ARPP21: variants seen among roughly 807,000 people sequenced by gnomAD.
ARPP21 encodes cAMP regulated phosphoprotein 21, also known as cAMP-regulated phosphoprotein 21.
Under a neutral mutation model 113.2 loss-of-function variants are expected in ARPP21, and 69 were observed. The ratio of observed to expected loss-of-function variants is 0.61; its 90% CI spans 0.50 to 0.74. ARPP21 has a LOEUF of 0.74. Ranked by LOEUF, ARPP21 falls within the 30% of genes least tolerant of loss-of-function variation. ARPP21 has a pLI of 0.00. For synonymous variants in ARPP21, 368 were observed against 375.5 expected (o/e 0.98, Z 0.23); for missense variants, 1,070 against 1,037.4 (o/e 1.03, Z -0.43).
chr3:35,754,654 A>C (rs1206546490), intron 19 of ARPP21, among the ~76,000 whole-genome samples: 1 of 152,024 alleles, frequency 6.6e-6, no homozygotes. Flanking sequence ...TGCTATTTTT[A>C]GACCTAAAAA....
chr3:35,644,896 A>AC (rs34034335), intron 1 of ARPP21, among the ~76,000 whole-genome samples: 2 of 151,776 alleles, frequency 1.3e-5, no homozygotes, highest in African/African-American at 4.8e-5. Flanking sequence ...CAGTTGTATA[A>AC]CCCCCATTTA....
chr3:35,696,749 A>G (rs1203410023), intron 9 of ARPP21, among the ~76,000 whole-genome samples: 1 of 151,550 alleles, frequency 6.6e-6, no homozygotes, highest in African/African-American at 2.4e-5. Flanking sequence ...ATAATGTTAC[A>G]TTTTTGATAT....
rs746207971 is a variant in ARPP21 at position 35,786,526 on chromosome 3, C to CA, written c.2138-5840dup. 3.8e-3 allele frequency among the ~76,000 whole-genome samples: 333 copies of CA among 87,478 alleles called. 1 individual carries two copies. Among genetic ancestry groups the CA allele is most frequent in the East Asian group, 5.0e-3 (14 of 2,786 alleles). 57.4% of individuals were successfully genotyped at this position (87,478 alleles called of 152,430 possible). A position where few individuals can be genotyped will look rare whatever the true frequency, so the allele number is the denominator to read the frequency against. The stretch of plus-strand genomic sequence containing the variant: ...CTGACGACGGAGTGAGATTTCATCT[C>CA]AAAAAAAAAAAAAAAAGTTCTACTT... On this transcript the variant is annotated intron_variant, in intron 19 of 20. Coordinates refer to ENST00000684406, the MANE Select transcript of ARPP21 (RefSeq NM_001385562.1).
rs535388566 is a variant in ARPP21 at position 35,709,003 on chromosome 3, G to A, written c.830G>A (p.Arg277Gln). ...ATGCATCCATTTAGAGATGACAGAC[G>A]AAGTAAATCAATTGAAGAGAGAGAA... is the stretch of plus-strand genomic sequence containing the variant. ...NRMHPFRDDR[R>Q]SKSIEEREEE... Residue 277 changes from arginine to glutamine, a missense_variant, in exon 11 of 21, where the codon CGA becomes CAA. By Grantham distance (43) the Arg-to-Gln change is conservative. Coordinates refer to ENST00000684406, the MANE Select transcript of ARPP21 (RefSeq NM_001385562.1). The A allele has an allele frequency of 1.1e-5, 17 of 1,613,862 alleles. No individual in the cohort carries two copies. Among genetic ancestry groups the A allele is most frequent in the African/African-American group, 6.7e-5 (5 of 75,046 alleles).
intron 1 of ARPP21, among the ~76,000 whole-genome samples, chr3:35,666,158 T>C (rs956696034): frequency 6.6e-6 from 1 of 152,050 alleles, no homozygotes; most frequent in South Asian, 2.1e-4. Flanking sequence ...ATGTTGTCAC[T>C]TATACACCCT....
At chr3:35,753,201 G>A (rs1281847263) in intron 19 of ARPP21, among the ~76,000 whole-genome samples, 1 of 151,834 alleles carries the variant, frequency 6.6e-6, no homozygotes, top group Non-Finnish European at 1.5e-5. Context: ...GGCTAAAACA[G>A]AAATCTCTCA....
At chr3:35,701,774 G>T (rs890502466) in intron 9 of ARPP21, among the ~76,000 whole-genome samples, 15 of 151,106 alleles carry the variant, frequency 9.9e-5, no homozygotes, top group Non-Finnish European at 1.9e-4. Context: ...GGGTAGGAGT[G>T]GTTGACATAT....
At chr3:35,792,120 A>G (rs139553907) in intron 19 of ARPP21, 1 of 328,714 alleles carries the variant, frequency 3.0e-6, no homozygotes, top group African/African-American at 2.1e-5. Flanking sequence ...GCCATGAATA[A>G]TTTATCATTG....
chr3:35,701,802 G>T (rs538401910), intron 9 of ARPP21, among the ~76,000 whole-genome samples: 1 of 151,168 alleles, frequency 6.6e-6, no homozygotes, highest in Non-Finnish European at 1.5e-5. Flanking sequence ...GGCCTTAGAA[G>T]CAGGGATCAT....
At chr3:35,683,949 A>T (rs986785468) in intron 5 of ARPP21, 134 bp downstream of exon 5, 119 of 1,184,718 alleles carry the variant, frequency 1.0e-4, no homozygotes, top group Non-Finnish European at 1.5e-4. Context: ...TTTTGGCTTT[A>T]TCCCCTGCTT....
At chr3:35,713,743 T>C (rs1052387624) in intron 11 of ARPP21, among the ~76,000 whole-genome samples, 30 of 152,168 alleles carry the variant, frequency 2.0e-4, no homozygotes, top group Admixed American at 1.3e-4. Context: ...ATACAGAGTT[T>C]GGGGTTCTTA....
intron 18 of ARPP21, among the ~76,000 whole-genome samples, chr3:35,739,842 G>A (rs151213464): frequency 3.2e-4 from 48 of 152,264 alleles, no homozygotes; most frequent in Non-Finnish European, 4.6e-4. Flanking sequence ...CTGGTACAGA[G>A]ACCATAAGAA....
chr3:35,739,454 C>T lies in ARPP21; in HGVS notation c.1887C>T (p.Ile629=), dbSNP rs752066588. The stretch of plus-strand genomic sequence containing the variant: ...CGGCCCAGCAGCCCAGCTATGTAAT[C>T]GCCTCTACAGGCCAGCAGCTTCCTA... ...PQPAQQPSYV[I]ASTGQQLPTG... Residue 629 remains isoleucine, a synonymous_variant, in exon 18 of 21, where the codon ATC becomes ATT. Transcript: ENST00000684406. 4.3e-6 allele frequency: 7 copies of T among 1,614,160 alleles called. No individual in the cohort carries two copies. Among genetic ancestry groups the T allele is most frequent in the Non-Finnish European group, 4.2e-6 (5 of 1,180,038 alleles).
intron 19 of ARPP21, among the ~76,000 whole-genome samples, chr3:35,787,508 A>G (rs1022387836): frequency 6.3e-4 from 96 of 152,184 alleles, no homozygotes; most frequent in African/African-American, 2.3e-3. Flanking sequence ...GTCTGTTTGA[A>G]TAGCCTCACC....
chr3:35,661,654 T>C lies in ARPP21; in HGVS notation c.-212-18133T>C, dbSNP rs147557763. Among the ~76,000 whole-genome samples, 199 of 152,346 alleles carry C rather than the reference T, an allele frequency of 1.3e-3. 1 individual carries two copies. Among genetic ancestry groups the C allele is most frequent in the Non-Finnish European group, 1.2e-3 (80 of 68,040 alleles). On this transcript the variant is annotated intron_variant, in intron 1 of 20. Coordinates refer to ENST00000684406, the MANE Select transcript of ARPP21 (RefSeq NM_001385562.1). ...AAAAATCAACAGTATTCAATTCTCA[T>C]TGACCTTTTTATGTCCTGCCTCATC...
intron 19 of ARPP21, among the ~76,000 whole-genome samples, chr3:35,783,349 T>C (rs1427027460): frequency 6.6e-6 from 1 of 152,146 alleles, no homozygotes; most frequent in Non-Finnish European, 1.5e-5. Flanking sequence ...TACTTGTTCT[T>C]TCTGTATTTA....
At chr3:35,669,353 A>G (rs966036335) in intron 1 of ARPP21, among the ~76,000 whole-genome samples, 1 of 152,166 alleles carries the variant, frequency 6.6e-6, no homozygotes, top group Non-Finnish European at 1.5e-5. Context: ...AAAATCTTGA[A>G]GGTTTCACAA....
intron 1 of ARPP21, among the ~76,000 whole-genome samples, chr3:35,664,447 C>G (rs911465409): frequency 2.6e-5 from 4 of 152,064 alleles, no homozygotes; most frequent in Admixed American, 2.0e-4. Flanking sequence ...CTCCATCATC[C>G]CTCCCACGAT....
At chr3:35,689,956 A>C in intron 7 of ARPP21, 125 bp from the exon 8 acceptor site, 1 of 592,372 alleles carries the variant, frequency 1.7e-6, no homozygotes. Context: ...ATTCCAAAGA[A>C]GAGTTAGGTA....
Sources: gnomAD v4.1 joint callset for allele counts (sites outside exome capture counted in the v4.1 genomes callset) on GRCh38, gnomAD v4.1.1 for gene constraint, MANE v1.5 for transcripts, NCBI Gene and HGNC (gene_info 2026-07-23, HGNC 2026-07-21) for gene names.